VTCN1: variants seen among roughly 807,000 people sequenced by gnomAD.
VTCN1 encodes the protein V-set domain containing T cell activation inhibitor 1.
A neutral mutation model predicts 26.5 loss-of-function variants in VTCN1; 26 were observed. The ratio of observed to expected loss-of-function variants is 0.98; its 90% CI spans 0.72 to 1.36. VTCN1 has a LOEUF of 1.36. VTCN1 is among the 40% of genes most tolerant of loss of function. The pLI is 0.00. For synonymous variants in VTCN1, 116 were observed against 130.7 expected, an observed-to-expected ratio of 0.89 and a Z score of 0.77; for missense variants, 298 against 337.7, an observed-to-expected ratio of 0.88 and a Z score of 0.92.
intron 1 of VTCN1, among the ~76,000 whole-genome samples, chr1:117,179,147 A>T (rs1647550777): frequency 6.6e-6 from 1 of 152,180 alleles, no homozygotes; most frequent in Non-Finnish European, 1.5e-5. Context: ...CGTACTACGA[A>T]CTATTTGTGC....
intron 1 of VTCN1, among the ~76,000 whole-genome samples, chr1:117,206,810 G>A (rs146445296): frequency 1.2e-4 from 18 of 152,306 alleles, no homozygotes; most frequent in African/African-American, 4.1e-4. Flanking sequence ...TGGGGGAAAA[G>A]CATAACACTC....
chr1:117,172,445 G>T (rs1652970955), intron 1 of VTCN1: 3 of 518,730 alleles, frequency 5.8e-6, no homozygotes, highest in Admixed American at 3.9e-5. Flanking sequence ...GTCCAAGAGA[G>T]TGAGAACAGC....
intron 1 of VTCN1, among the ~76,000 whole-genome samples, chr1:117,190,697 T>C (rs1318997999): frequency 6.6e-6 from 1 of 152,206 alleles, no homozygotes; most frequent in African/African-American, 2.4e-5. Flanking sequence ...GGAGCAGTTA[T>C]GTAACCCCAC....
At chr1:117,181,359 T>C (rs1647662732) in intron 1 of VTCN1, among the ~76,000 whole-genome samples, 3 of 152,228 alleles carry the variant, frequency 2.0e-5, no homozygotes. Flanking sequence ...CTGGTGGTCA[T>C]GGAAAAGAAA....
In VTCN1 at chr1:117,183,008, A is replaced by AT. The variant is rs1319015201; in HGVS notation, c.33-12838dup. Among the ~76,000 whole-genome samples, 1 of 152,194 alleles carries AT rather than the reference A, an allele frequency of 6.6e-6. No homozygotes were observed. The highest frequency in any genetic ancestry group is 1.5e-5 in the Non-Finnish European group (1 of 68,032). The stretch of plus-strand genomic sequence containing the variant: ...TAAGCCTTCTATACATTCTGATACC[A>AT]TTTTTTAAAGAAAAAGAATAAGATT... On this transcript the variant is annotated intron_variant, in intron 1 of 5. Transcript: ENST00000369458. This position sits in a 1 kb window ranked among gnomAD's most constrained non-coding sequence, Gnocchi z 4.1.
chr1:117,151,307 AGTGG>A (rs1008687814), intron 4 of VTCN1, among the ~76,000 whole-genome samples: 2 of 151,012 alleles, frequency 1.3e-5, no homozygotes, highest in African/African-American at 4.9e-5. Flanking sequence ...TGTTCCTCCC[AGTGG>A]GTTTGTGGTC....
At chr1:117,206,927 G>A (rs376307417) in intron 1 of VTCN1, among the ~76,000 whole-genome samples, 7 of 152,164 alleles carry the variant, frequency 4.6e-5, no homozygotes, top group Admixed American at 2.0e-4. Flanking sequence ...TCCTGTTCAC[G>A]GGATGGACTC....
At chr1:117,188,690 T>C (rs1648088597) in intron 1 of VTCN1, among the ~76,000 whole-genome samples, 3 of 152,196 alleles carry the variant, frequency 2.0e-5, no homozygotes, top group South Asian at 2.1e-4. Flanking sequence ...GGACATATTC[T>C]ACTACTATAC....
Position 117,147,649 on chromosome 1 carries a change from C to G in VTCN1, c.*9G>C. 7 of 1,609,616 alleles carry G rather than the reference C, an allele frequency of 4.3e-6. No individual in the cohort carries two copies. The highest frequency in any genetic ancestry group is 5.9e-6 in the Non-Finnish European group (7 of 1,178,636). ...ATGACTTTGCATGCTTTTTTGTGGC[C>G]GAGGCACATTATTTTAGCATCAGGT... On this transcript the variant is annotated 3_prime_UTR_variant, in exon 5 of 6. Coordinates refer to ENST00000369458, the MANE Select transcript of VTCN1 (RefSeq NM_024626.4). This position sits in a 1 kb window ranked among gnomAD's most constrained non-coding sequence, Gnocchi z 4.6.
intron 2 of VTCN1, among the ~76,000 whole-genome samples, chr1:117,164,289 T>A (rs1001460269): frequency 6.6e-6 from 1 of 152,058 alleles, no homozygotes; most frequent in Non-Finnish European, 1.5e-5. Context: ...AATAAACTCA[T>A]TTACTCACCA....
chr1:117,158,646 A>G (rs1652212655), intron 2 of VTCN1, among the ~76,000 whole-genome samples: 2 of 152,310 alleles, frequency 1.3e-5, no homozygotes, highest in Admixed American at 1.3e-4. Flanking sequence ...AGGGATTAAC[A>G]TTCAGCTCCT....
intron 4 of VTCN1, among the ~76,000 whole-genome samples, chr1:117,149,200 T>C (rs954670593): frequency 6.6e-6 from 1 of 152,016 alleles, no homozygotes; most frequent in African/African-American, 2.4e-5. Context: ...GCACTGGGCA[T>C]CTCTACCTGG....
intron 1 of VTCN1, among the ~76,000 whole-genome samples, chr1:117,202,492 C>T (rs1242347596): frequency 6.6e-6 from 1 of 152,154 alleles, no homozygotes; most frequent in Non-Finnish European, 1.5e-5. Flanking sequence ...GAGGTGTAAA[C>T]ATTAGACTCA....
chr1:117,182,456 C>T (rs151003065), intron 1 of VTCN1, among the ~76,000 whole-genome samples: 13 of 152,284 alleles, frequency 8.5e-5, no homozygotes, highest in African/African-American at 3.1e-4. Flanking sequence ...GCTGCCAGAC[C>T]CACCCCTTGA....
In VTCN1 at chr1:117,146,536, A is replaced by C. The variant is rs1180755809; in HGVS notation, c.*45+1077T>G. 1.3e-5 allele frequency among the ~76,000 whole-genome samples: 2 copies of C among 152,214 alleles called. No individual in the cohort carries two copies. The highest frequency in any genetic ancestry group is 4.8e-5 in the African/African-American group (2 of 41,446). On this transcript the variant is annotated intron_variant, in intron 5 of 5. Coordinates refer to ENST00000369458, the MANE Select transcript of VTCN1 (RefSeq NM_024626.4). The surrounding 1 kb of genome is among the most constrained non-coding windows in gnomAD (Gnocchi z 4.2). Reference sequence around the variant, plus strand: ...ATACAAAGACTCTTGGGGAGGTGGGATATAAGCTAGGAAGCATTTTCCTAA... The same window carrying C: ...ATACAAAGACTCTTGGGGAGGTGGGCTATAAGCTAGGAAGCATTTTCCTAA...
chr1:117,182,612 G>A (rs1038791899), intron 1 of VTCN1, among the ~76,000 whole-genome samples: 4 of 152,174 alleles, frequency 2.6e-5, no homozygotes, highest in African/African-American at 9.7e-5. Context: ...GCAACCTTAT[G>A]TAGAACCCTT....
At chr1:117,180,185 T>C (rs1647604503) in intron 1 of VTCN1, among the ~76,000 whole-genome samples, 1 of 151,938 alleles carries the variant, frequency 6.6e-6, no homozygotes, top group Non-Finnish European at 1.5e-5. Flanking sequence ...GAGTATCAGG[T>C]GGAAAATTTC....
At chr1:117,156,490 A>G (rs1475507751) in intron 3 of VTCN1, 84 bp downstream of exon 3, 12 of 1,370,600 alleles carry the variant, frequency 8.8e-6, no homozygotes, top group Admixed American at 2.5e-5. Context: ...GATATTGGTC[A>G]CAACATATTT....
intron 1 of VTCN1, among the ~76,000 whole-genome samples, chr1:117,192,199 A>G (rs1237207450): frequency 6.6e-6 from 1 of 152,156 alleles, no homozygotes; most frequent in Non-Finnish European, 1.5e-5. Flanking sequence ...CTACTGGTGG[A>G]TTTTTCAGCA....
Sources: allele counts gnomAD v4.1 joint callset (sites outside exome capture counted in the v4.1 genomes callset), GRCh38; gene constraint gnomAD v4.1.1; non-coding constraint Gnocchi (gnomAD v3.1); transcripts MANE v1.5; gene names NCBI Gene and HGNC (gene_info 2026-07-23, HGNC 2026-07-21).